Variants in PCDHA2 observed in about 807,000 individuals in gnomAD.
PCDHA2 encodes the protein protocadherin alpha-2.
A neutral mutation model predicts 66.0 loss-of-function variants in PCDHA2; 58 were observed. That is an observed-to-expected ratio of 0.88 (90% CI 0.71 to 1.09). The LOEUF (loss-of-function observed/expected upper bound fraction) is 1.09. Among genes scored for constraint, PCDHA2 ranks in the 50% least tolerant of loss-of-function variants. The pLI is 0.00. For synonymous variants in PCDHA2, 634 were observed against 554.0 expected (o/e 1.14, Z -2.03); for missense variants, 1,267 against 1,242.3 (o/e 1.02, Z -0.30).
intron 1 of PCDHA2, among the ~76,000 whole-genome samples, chr5:140,916,167 C>T (rs2077462600): frequency 6.6e-6 from 1 of 152,080 alleles, no homozygotes; most frequent in South Asian, 2.1e-4. Context: ...TGCTGCCAGG[C>T]CTGGGACTCT....
At position 140,855,161 on chromosome 5, in the gene PCDHA2, C is replaced by T. The variant is rs1469242390; in HGVS notation, c.2388+57809C>T. On this transcript the variant is annotated intron_variant, in intron 1 of 3. Coordinates refer to ENST00000526136, the MANE Select transcript of PCDHA2 (RefSeq NM_018905.3). ...TGATGAGCCAAATTTGGTATTGAGC[C>T]TCATGAAAACAAATGTGGCCAAATT... Among the ~76,000 whole-genome samples, 4 of 149,656 alleles carry T rather than the reference C, an allele frequency of 2.7e-5. 1 individual carries two copies. Among genetic ancestry groups the T allele is most frequent in the African/African-American group, 9.8e-5 (4 of 40,822 alleles).
At chr5:140,973,728 C>G (rs1193811831) in intron 1 of PCDHA2, among the ~76,000 whole-genome samples, 1 of 152,232 alleles carries the variant, frequency 6.6e-6, no homozygotes, top group African/African-American at 2.4e-5. Context: ...ACATGGGCAT[C>G]TGGTCTAACT....
At chr5:140,829,657 G>C in intron 1 of PCDHA2, 1 of 1,612,592 alleles carries the variant, frequency 6.2e-7, no homozygotes, top group African/African-American at 1.3e-5. Flanking sequence ...CGCTGCAGCC[G>C]CTGGACCACG....
chr5:140,896,053 C>T (rs371706160), intron 1 of PCDHA2, among the ~76,000 whole-genome samples: 8 of 152,164 alleles, frequency 5.3e-5, no homozygotes, highest in Non-Finnish European at 1.2e-4. Context: ...TCAGGTGATC[C>T]GCCTGCCTCG....
chr5:140,828,646 C>T, intron 1 of PCDHA2: 1 of 1,614,158 alleles, frequency 6.2e-7, no homozygotes, highest in Non-Finnish European at 8.5e-7. Context: ...TGAAAATAAA[C>T]AGTGATGACA....
In PCDHA2 at chr5:140,797,335, T is replaced by C. The variant is rs1554120411; in HGVS notation, c.2371T>C (p.Ser791Pro). 1 of 1,614,030 alleles carries C rather than the reference T, an allele frequency of 6.2e-7. No homozygotes were observed. Among genetic ancestry groups the C allele is most frequent in the African/African-American group, 1.3e-5 (1 of 74,946 alleles). ...DSAEEKQLSE[S>P]EYVGKPRQPN... ...CGCAGAAGAGAAACAGCTCTCAGAA[T>C]CAGAATACGTAGGAAAGGTGAGTCT... Residue 791 changes from serine (S) to proline (P), a missense_variant, in exon 1 of 4, where the codon TCA (serine) becomes CCA (proline). Coordinates refer to ENST00000526136, the MANE Select transcript of PCDHA2 (RefSeq NM_018905.3).
At chr5:140,917,906 G>C (rs1334892378) in intron 1 of PCDHA2, among the ~76,000 whole-genome samples, 1 of 151,938 alleles carries the variant, frequency 6.6e-6, no homozygotes, top group East Asian at 1.9e-4. Flanking sequence ...TGTTAGGATA[G>C]TTTGTTTTTC....
chr5:140,871,577 G>A, intron 1 of PCDHA2: 1 of 1,474,316 alleles, frequency 6.8e-7, no homozygotes, highest in Non-Finnish European at 9.0e-7. Flanking sequence ...ATTTTTTAAG[G>A]GAAAGTTTTA....
chr5:140,909,214 T>C (rs1394994856), intron 1 of PCDHA2, among the ~76,000 whole-genome samples: 2 of 152,232 alleles, frequency 1.3e-5, no homozygotes, highest in African/African-American at 2.4e-5. Context: ...AGAGTTGATA[T>C]ACCCCTGAGG....
At chr5:140,940,258 C>A (rs2092581637) in intron 1 of PCDHA2, among the ~76,000 whole-genome samples, 1 of 152,130 alleles carries the variant, frequency 6.6e-6, no homozygotes, top group South Asian at 2.1e-4. Flanking sequence ...TCAATATCTT[C>A]TGGGTTCCAC....
In PCDHA2 at chr5:140,933,676, AT is replaced by A. The variant is rs1400784175; in HGVS notation, c.2389-45265del. 1.4e-4 allele frequency among the ~76,000 whole-genome samples: 21 copies of A among 151,552 alleles called. 1 individual carries two copies. Among genetic ancestry groups the A allele is most frequent in the Admixed American group, 1.3e-3 (19 of 15,194 alleles). On this transcript the variant is annotated intron_variant, in intron 1 of 3. Coordinates refer to ENST00000526136, the MANE Select transcript of PCDHA2 (RefSeq NM_018905.3). Reference sequence around the variant, plus strand: ...CTGTCTCTCTCTCTGTCTCTCTCACATTTTTTTTCCTATTCCTCGGACACAT... The same window carrying A: ...CTGTCTCTCTCTCTGTCTCTCTCACATTTTTTTCCTATTCCTCGGACACAT...
chr5:140,910,982 T>C (rs1204318531), intron 1 of PCDHA2, among the ~76,000 whole-genome samples: 1 of 152,130 alleles, frequency 6.6e-6, no homozygotes, highest in Non-Finnish European at 1.5e-5. Flanking sequence ...GGTTATACTC[T>C]GAACCTCACC....
At chr5:140,882,069 G>T in intron 1 of PCDHA2, 1 of 844,446 alleles carries the variant, frequency 1.2e-6, no homozygotes, top group Non-Finnish European at 1.8e-6. Flanking sequence ...ACGTTCATGC[G>T]CATGGTGTCG....
chr5:140,977,850 T>C (rs1416064195), intron 1 of PCDHA2, among the ~76,000 whole-genome samples: 5 of 152,236 alleles, frequency 3.3e-5, no homozygotes, highest in African/African-American at 1.2e-4. Flanking sequence ...TATGGCTTTG[T>C]TTCTACCAAA....
At chr5:140,853,308 C>T in intron 1 of PCDHA2, 1 of 983,184 alleles carries the variant, frequency 1.0e-6, no homozygotes, top group Non-Finnish European at 1.2e-6. Context: ...CTGTGAACAC[C>T]TTAGTAATAA....
At chr5:141,005,302 G>T (rs940194498) in intron 3 of PCDHA2, among the ~76,000 whole-genome samples, 1 of 152,160 alleles carries the variant, frequency 6.6e-6, no homozygotes, top group Non-Finnish European at 1.5e-5. Context: ...TTGCCTTTGT[G>T]AATCTTACAG....
rs781951812 is a variant in PCDHA2, at chr5:140,796,151, A to G, written c.1187A>G (p.Lys396Arg). 4 of 1,614,178 alleles carry G rather than the reference A, an allele frequency of 2.5e-6. No homozygotes were observed. Among genetic ancestry groups the G allele is most frequent in the Non-Finnish European group, 3.4e-6 (4 of 1,180,020 alleles). ...TCSLTPHVPF[K>R]LVSTFKNYYS... ...TCCCTGACGCCCCACGTCCCTTTCA[A>G]GCTGGTGTCCACCTTCAAGAATTAC... The change falls in exon 1 of 4, where the codon AAG becomes AGG. Residue 396 changes from lysine to arginine, a missense_variant. Coordinates refer to ENST00000526136, the MANE Select transcript of PCDHA2 (RefSeq NM_018905.3).
At chr5:140,809,150 G>T in intron 1 of PCDHA2, 1 of 1,613,976 alleles carries the variant, frequency 6.2e-7, no homozygotes, top group Non-Finnish European at 8.5e-7. Context: ...GAAGGACCAC[G>T]GCGAGCCCGC....
At chr5:140,979,109 G>A (rs979649515) in intron 2 of PCDHA2, 102 bp downstream of exon 2, 1 of 1,524,682 alleles carries the variant, frequency 6.6e-7, no homozygotes, top group Admixed American at 2.3e-5. Context: ...AAACTAAAAA[G>A]CTTTAGGTAC....
Sources: gnomAD v4.1 joint callset for allele counts (sites outside exome capture counted in the v4.1 genomes callset) on GRCh38, gnomAD v4.1.1 for gene constraint, MANE v1.5 for transcripts, NCBI Gene and HGNC (gene_info 2026-07-23, HGNC 2026-07-21) for gene names.